The following PCMTD1 variants were observed in gnomAD, a reference collection of about 807,000 sequenced individuals.
The protein encoded by PCMTD1 is protein-L-isoaspartate O-methyltransferase domain-containing protein 1.
Under a neutral mutation model 37.6 loss-of-function variants are expected in PCMTD1, and 12 were observed. The ratio of observed to expected loss-of-function variants is 0.32; its 90% confidence interval spans 0.20 to 0.52. PCMTD1 has a LOEUF of 0.52. PCMTD1 is among the 20% of genes least tolerant of loss of function. The probability of loss-of-function intolerance (pLI) is 0.97; values close to 1 mark genes in which losing one functional copy is unlikely to be tolerated. For synonymous variants in PCMTD1, 117 were observed against 135.8 expected, an observed-to-expected ratio of 0.86 and a Z score of 0.96; for missense variants, 235 against 421.3, an observed-to-expected ratio of 0.56 and a Z score of 3.87.
chr8:51,848,077 C>G (rs567578628), intron 2 of PCMTD1, among the ~76,000 whole-genome samples: 6 of 151,198 alleles, frequency 4.0e-5, no homozygotes, highest in African/African-American at 1.2e-4. Flanking sequence ...AGAGAGAGAC[C>G]GTGGTTTTGT....
At chr8:51,866,733 G>C (rs1371052736) in intron 1 of PCMTD1, among the ~76,000 whole-genome samples, 1 of 151,918 alleles carries the variant, frequency 6.6e-6, no homozygotes, top group Non-Finnish European at 1.5e-5. Flanking sequence ...AGATTTCTTG[G>C]ATATGATCCC....
intron 5 of PCMTD1, among the ~76,000 whole-genome samples, chr8:51,821,860 C>T (rs554050546): frequency 9.2e-5 from 14 of 152,136 alleles, no homozygotes; most frequent in African/African-American, 3.4e-4. Context: ...CTCAGCCTCC[C>T]AAGTAGCTGG....
rs2038365486 is a variant in PCMTD1, at chr8:51,855,142, C to T, written c.307+5703G>A. ...TGAGCCGAGATCATGCCATTGCACT[C>T]CAGCCTGGGCAACAAGAGTGAAACT... On this transcript the variant is annotated intron_variant, in intron 2 of 5. Coordinates refer to ENST00000522514, the MANE Select transcript of PCMTD1 (RefSeq NM_052937.4). 4.7e-5 allele frequency among the ~76,000 whole-genome samples: 7 copies of T among 148,936 alleles called. No individual in the cohort carries two copies. The South Asian group carries it at 1.5e-3, about 32-fold the overall frequency.
chr8:51,823,565 C>T (rs141765717), intron 5 of PCMTD1, among the ~76,000 whole-genome samples: 3 of 152,318 alleles, frequency 2.0e-5, no homozygotes, highest in East Asian at 1.9e-4. Context: ...TATTCCTTAA[C>T]GGTCTCATTT....
In PCMTD1 at chr8:51,833,740, A is replaced by G. The variant is rs777742713; in HGVS notation, c.411-51T>C. ...TTCAATTAAGCAAAACATTAGATCTAAAAAATTTACCATAATCCAGTCCTT... is the reference window on the plus strand; with the variant it reads ...TTCAATTAAGCAAAACATTAGATCTGAAAAATTTACCATAATCCAGTCCTT... On this transcript the variant is annotated intron_variant, in intron 3 of 5. Coordinates refer to ENST00000522514, the MANE Select transcript of PCMTD1 (RefSeq NM_052937.4). 12 of 1,509,570 alleles carry G rather than the reference A, an allele frequency of 7.9e-6. No homozygotes were observed. In the African/African-American group the frequency reaches 1.7e-4, roughly 21 times the overall value. 93.5% of individuals were successfully genotyped at this position (1,509,570 alleles called of 1,614,324 possible). A position where few individuals can be genotyped will look rare whatever the true frequency, so the allele number is the denominator to read the frequency against.
chr8:51,879,348 T>A (rs1380741036), intron 1 of PCMTD1, among the ~76,000 whole-genome samples: 2 of 152,050 alleles, frequency 1.3e-5, no homozygotes, highest in Non-Finnish European at 2.9e-5. Flanking sequence ...AGGAAACTTA[T>A]AAGAGCCAAA....
chr8:51,875,051 C>G (rs1563357745), intron 1 of PCMTD1, among the ~76,000 whole-genome samples: 1 of 152,156 alleles, frequency 6.6e-6, no homozygotes, highest in Non-Finnish European at 1.5e-5. Context: ...AATATTAGAA[C>G]ACAGGAATAC....
At chr8:51,831,798 G>T (rs1276375416) in intron 4 of PCMTD1, among the ~76,000 whole-genome samples, 1 of 152,168 alleles carries the variant, frequency 6.6e-6, no homozygotes, top group African/African-American at 2.4e-5. Context: ...ACTCAAATAT[G>T]GCCAAGTGAG....
chr8:51,867,238 G>A (rs1305564083), intron 1 of PCMTD1, among the ~76,000 whole-genome samples: 1 of 152,036 alleles, frequency 6.6e-6, no homozygotes, highest in African/African-American at 2.4e-5. Context: ...GTGAACTGTT[G>A]GTGGAAATGA....
intron 1 of PCMTD1, among the ~76,000 whole-genome samples, chr8:51,881,052 C>G (rs1287850343): frequency 6.6e-6 from 1 of 152,122 alleles, no homozygotes; most frequent in Non-Finnish European, 1.5e-5. Context: ...CGGCTAACAC[C>G]TACTCTCATC....
chr8:51,843,857 A>C (rs2038181238), intron 3 of PCMTD1, among the ~76,000 whole-genome samples: 3 of 152,174 alleles, frequency 2.0e-5, no homozygotes, highest in Admixed American at 1.3e-4. Context: ...AAATGGAATT[A>C]TCTGTGTCTT....
Position 51,831,451 on chromosome 8 carries a change from C to A in PCMTD1, c.699G>T (p.Val233=). 6.2e-7 allele frequency: 1 copy of A among 1,612,824 alleles called. No homozygotes were observed. Among genetic ancestry groups the A allele is most frequent in the Non-Finnish European group, 8.5e-7 (1 of 1,179,592 alleles). ...SKNDNGKPDS[V]GLPPCAVRNL... is the part of the protein sequence containing the mutation. ...ATATGAAGAGCTACTTACGGAGTCC[C>A]ACAGAATCTGGTTTGCCATTATCAT... The change falls in exon 5 of 6, where the codon GTG becomes GTT. Residue 233 remains valine (V), a synonymous_variant. Coordinates refer to ENST00000522514, the MANE Select transcript of PCMTD1 (RefSeq NM_052937.4).
intron 1 of PCMTD1, among the ~76,000 whole-genome samples, chr8:51,862,528 A>C (rs2038489189): frequency 6.6e-6 from 1 of 152,216 alleles, no homozygotes. Flanking sequence ...TTAATGTATC[A>C]ATTCCTGAAT....
chr8:51,828,134 A>AT (rs2037948317), intron 5 of PCMTD1, among the ~76,000 whole-genome samples: 1 of 152,240 alleles, frequency 6.6e-6, no homozygotes, highest in Admixed American at 6.5e-5. Context: ...AGTAAAATAG[A>AT]TAAACAGCTG....
At chr8:51,841,971 G>C (rs780628963) in intron 3 of PCMTD1, among the ~76,000 whole-genome samples, 1 of 152,224 alleles carries the variant, frequency 6.6e-6, no homozygotes, top group Non-Finnish European at 1.5e-5. Flanking sequence ...TGCAAAGGCA[G>C]AGTCAGGTGG....
chr8:51,853,022 C>G (rs1473460367), intron 2 of PCMTD1, among the ~76,000 whole-genome samples: 2 of 152,196 alleles, frequency 1.3e-5, no homozygotes, highest in African/African-American at 4.8e-5. Flanking sequence ...CAGAGCTCAG[C>G]TGCCGGACCT....
intron 2 of PCMTD1, among the ~76,000 whole-genome samples, chr8:51,857,812 TTAA>T (rs1033154004): frequency 3.9e-5 from 6 of 152,122 alleles, no homozygotes; most frequent in African/African-American, 1.4e-4. Context: ...AAAGTGTGCT[TTAA>T]TCCTAAGAAA....
rs1481555134 is a variant in PCMTD1, at chr8:51,875,954, G to GTC, written c.-95-14709_-95-14708insGA. Among the ~76,000 whole-genome samples, 12 of 149,664 alleles carry GTC rather than the reference G, an allele frequency of 8.0e-5. No homozygotes were observed. In the South Asian group the frequency reaches 2.4e-3, roughly 29 times the overall value. ...CAAAAATGTGTTTGTGTGTGTGTGTGTGTGTGTCTGTGTGTGTGTGTGTGC... is the reference window on the plus strand; with the variant it reads ...CAAAAATGTGTTTGTGTGTGTGTGTGTCTGTGTGTCTGTGTGTGTGTGTGTGC... On this transcript the variant is annotated intron_variant, in intron 1 of 5. Transcript: ENST00000522514.
At chr8:51,859,733 C>G (rs1332265371) in intron 2 of PCMTD1, among the ~76,000 whole-genome samples, 1 of 152,054 alleles carries the variant, frequency 6.6e-6, no homozygotes, top group African/African-American at 2.4e-5. Flanking sequence ...TAGGACTGTC[C>G]CAACACACTG....
Sources: allele counts gnomAD v4.1 joint callset (sites outside exome capture counted in the v4.1 genomes callset), GRCh38; gene constraint gnomAD v4.1.1; transcripts MANE v1.5; gene names NCBI Gene and HGNC (gene_info 2026-07-23, HGNC 2026-07-21).